Variants in SYN3 observed in about 807,000 individuals in gnomAD.
SYN3 encodes the protein synapsin III.
In SYN3, 35 loss-of-function variants were observed where a neutral mutation model predicts 65.8. The observed-to-expected ratio is 0.53, with a 90% CI of 0.41 to 0.70. The LOEUF is 0.70. SYN3 is among the 30% of genes least tolerant of loss of function. The probability of loss-of-function intolerance (pLI) is 0.00; values close to 1 mark genes in which losing one functional copy is unlikely to be tolerated. For missense variants in SYN3, 680 were observed against 749.0 expected, an observed-to-expected ratio of 0.91 and a Z score of 1.08; for synonymous variants, 270 against 292.9, an observed-to-expected ratio of 0.92 and a Z score of 0.80.
At chr22:32,877,179 T>A (rs535418306) in intron 4 of SYN3, among the ~76,000 whole-genome samples, 32 of 152,336 alleles carry the variant, frequency 2.1e-4, no homozygotes, top group Admixed American at 1.8e-3. Flanking sequence ...CTTCTAAGTG[T>A]GAAGCCCCCA....
At chr22:32,743,741 C>G (rs929307956) in intron 6 of SYN3, among the ~76,000 whole-genome samples, 1 of 152,146 alleles carries the variant, frequency 6.6e-6, no homozygotes, top group African/African-American at 2.4e-5. Flanking sequence ...TCAACATCTC[C>G]TCCCTCTCCT....
intron 7 of SYN3, chr22:32,584,028 T>C (rs2058987246): frequency 6.6e-6 from 1 of 152,214 alleles, no homozygotes; most frequent in Non-Finnish European, 1.5e-5. Context: ...AGTTTCTTCA[T>C]TTCCCTGTCC....
chr22:33,054,153 T>C (rs192776125), intron 1 of SYN3, among the ~76,000 whole-genome samples: 25 of 152,270 alleles, frequency 1.6e-4, no homozygotes, highest in African/African-American at 6.0e-4. Flanking sequence ...CCTCTCTCTC[T>C]CACACTCGAA....
chr22:33,054,838 C>T (rs11089602), intron 1 of SYN3, among the ~76,000 whole-genome samples: 12,092 of 152,208 alleles, frequency 0.079, 1,443 homozygotes, highest in African/African-American at 0.26. Flanking sequence ...GCCAGACTTT[C>T]AGTAGCCAAC....
At chr22:32,916,812 A>C (rs981719002) in intron 4 of SYN3, among the ~76,000 whole-genome samples, 1 of 152,228 alleles carries the variant, frequency 6.6e-6, no homozygotes, top group Non-Finnish European at 1.5e-5. Context: ...TCAATAAACT[A>C]GTGGATCAAC....
At chr22:32,679,177 C>T (rs1047503966) in intron 6 of SYN3, among the ~76,000 whole-genome samples, 2 of 151,338 alleles carry the variant, frequency 1.3e-5, no homozygotes, top group African/African-American at 4.9e-5. Context: ...CTCAGCCTCC[C>T]GAGTAGCTGG....
intron 12 of SYN3, among the ~76,000 whole-genome samples, chr22:32,524,625 A>C (rs1270271946): frequency 6.6e-6 from 1 of 152,266 alleles, no homozygotes; most frequent in Non-Finnish European, 1.5e-5. Context: ...GAGATGTACA[A>C]GATAATTTTG....
Position 32,773,964 on chromosome 22 carries a change from T to C in SYN3, c.711+90951A>G, listed in dbSNP as rs73156487. ...GGAACGGAACTGCCAGTAGGAGGGC[T>C]GGTAGAAGCAAAGGAAGGGAGATCC... On this transcript the variant is annotated intron_variant, in intron 6 of 13. Coordinates refer to ENST00000358763, the MANE Select transcript of SYN3 (RefSeq NM_003490.4). Among the ~76,000 whole-genome samples, 535 of 152,146 alleles carry C rather than the reference T, an allele frequency of 3.5e-3. 4 individuals carry two copies. The highest frequency in any genetic ancestry group is 5.0e-3 in the Non-Finnish European group (338 of 68,006).
intron 7 of SYN3, among the ~76,000 whole-genome samples, chr22:32,589,733 A>C (rs2059102429): frequency 6.6e-6 from 1 of 152,130 alleles, no homozygotes; most frequent in Non-Finnish European, 1.5e-5. Context: ...CTATCTTCCC[A>C]TGATAATCCT....
chr22:32,578,175 T>C (rs1601678632), intron 7 of SYN3, among the ~76,000 whole-genome samples: 2 of 146,734 alleles, frequency 1.4e-5, no homozygotes, highest in South Asian at 4.5e-4. Context: ...CCTTTTCTTT[T>C]CTTTCTTTCT....
chr22:32,909,598 C>T (rs1429933744), intron 4 of SYN3, among the ~76,000 whole-genome samples: 2 of 152,102 alleles, frequency 1.3e-5, no homozygotes, highest in Non-Finnish European at 2.9e-5. Flanking sequence ...CTAATTCTGT[C>T]TCAGAATATA....
intron 7 of SYN3, chr22:32,583,999 C>A (rs966787743): frequency 6.6e-6 from 1 of 152,206 alleles, no homozygotes; most frequent in Non-Finnish European, 1.5e-5. Flanking sequence ...ACAGAGGAAT[C>A]GAATCAGCAC....
At chr22:32,644,494 T>C (rs939145097) in intron 6 of SYN3, among the ~76,000 whole-genome samples, 2 of 152,164 alleles carry the variant, frequency 1.3e-5, no homozygotes, top group African/African-American at 4.8e-5. Context: ...CTTTTCAGCA[T>C]GCCCTGGCTC....
intron 6 of SYN3, among the ~76,000 whole-genome samples, chr22:32,766,085 T>G (rs1257268342): frequency 6.6e-6 from 1 of 152,212 alleles, no homozygotes. Flanking sequence ...CTTGCACCTC[T>G]GTGGTTTGGA....
chr22:32,718,182 T>C (rs979430831), intron 6 of SYN3, among the ~76,000 whole-genome samples: 1 of 152,112 alleles, frequency 6.6e-6, no homozygotes, highest in African/African-American at 2.4e-5. Context: ...GCAGTTACTA[T>C]GGAGGGGCCC....
chr22:32,833,916 T>C lies in SYN3; in HGVS notation c.711+30999A>G, dbSNP rs73158337. 8.7e-3 allele frequency: 4,324 copies of C among 496,364 alleles called. 53 individuals are homozygous for C. Among genetic ancestry groups the C allele is most frequent in the South Asian group, 0.024 (1,653 of 69,486 alleles). 30.7% of individuals were successfully genotyped at this position (496,364 alleles called of 1,614,324 possible). On this transcript the variant is annotated intron_variant, in intron 6 of 13. Coordinates refer to ENST00000358763, the MANE Select transcript of SYN3 (RefSeq NM_003490.4). ...ACTAATAATAGTATTAGAATTAGTA[T>C]TGTAATCATTGACAATAGGATTTTT...
chr22:32,514,888 C>T (rs931587296), intron 13 of SYN3, among the ~76,000 whole-genome samples: 23 of 152,096 alleles, frequency 1.5e-4, no homozygotes, highest in Non-Finnish European at 2.8e-4. Context: ...AGGTGGCGTG[C>T]GCCTGTAGTC....
At chr22:32,901,507 A>C (rs1001149824) in intron 4 of SYN3, among the ~76,000 whole-genome samples, 1 of 152,152 alleles carries the variant, frequency 6.6e-6, no homozygotes, top group Non-Finnish European at 1.5e-5. Context: ...CCCTCACTGC[A>C]CAGCTCACAG....
intron 1 of SYN3, among the ~76,000 whole-genome samples, chr22:33,019,685 T>C (rs971383887): frequency 6.6e-6 from 1 of 152,208 alleles, no homozygotes; most frequent in African/African-American, 2.4e-5. Flanking sequence ...TGAGACTGGG[T>C]CTAGGCTGGA....
Sources: allele counts gnomAD v4.1 joint callset (sites outside exome capture counted in the v4.1 genomes callset), GRCh38; gene constraint gnomAD v4.1.1; transcripts MANE v1.5; gene names NCBI Gene and HGNC (gene_info 2026-07-23, HGNC 2026-07-21).